The following FBN2 variants were observed in gnomAD, a reference collection of about 807,000 sequenced individuals.
FBN2 encodes fibrillin 2.
A neutral mutation model predicts 355.6 loss-of-function variants in FBN2; 105 were observed. The ratio of observed to expected loss-of-function variants is 0.30; its 90% confidence interval spans 0.25 to 0.35. The LOEUF (loss-of-function observed/expected upper bound fraction) is 0.35, where lower values mean the gene tolerates loss of function less well. FBN2 is among the 10% of genes least tolerant of loss of function. The pLI is 1.00. For missense variants in FBN2, 3,280 were observed against 3,758.7 expected (o/e 0.87, Z 3.33); for synonymous variants, 1,350 against 1,301.2 (o/e 1.04, Z -0.81).
chr5:128,472,597 G>A (rs1413842872), intron 5 of FBN2, among the ~76,000 whole-genome samples: 2 of 152,046 alleles, frequency 1.3e-5, no homozygotes, highest in Non-Finnish European at 2.9e-5. Flanking sequence ...TTTGAGACCA[G>A]CCTGACCAAC....
In FBN2 at chr5:128,393,172, C is replaced by T; in HGVS notation, c.1428G>A (p.Val476=). ...GFSPGVGGAG[V]GAGGQGPIIT... Reference sequence around the variant, plus strand: ...TGATAGGTCCCTGTCCCCCGGCCCCCACACCGGCTCCCCCAACGCCAGGAG... The same window carrying T: ...TGATAGGTCCCTGTCCCCCGGCCCCTACACCGGCTCCCCCAACGCCAGGAG... The change falls in exon 10 of 65, where the codon GTG becomes GTA. Residue 476 remains valine (V), a synonymous_variant. Transcript: ENST00000262464. 7 of 1,614,190 alleles carry T rather than the reference C, an allele frequency of 4.3e-6. No individual in the cohort carries two copies. The highest frequency in any genetic ancestry group is 5.9e-6 in the Non-Finnish European group (7 of 1,180,004).
chr5:128,267,834 T>A (rs1361995374), intron 62 of FBN2, among the ~76,000 whole-genome samples: 2 of 152,108 alleles, frequency 1.3e-5, no homozygotes, highest in African/African-American at 4.8e-5. Context: ...TTGAAACCAA[T>A]GAGAACAAAC....
At chr5:128,350,537 G>T (rs764271746) in intron 21 of FBN2, among the ~76,000 whole-genome samples, 3 of 152,156 alleles carry the variant, frequency 2.0e-5, no homozygotes, top group Non-Finnish European at 4.4e-5. Context: ...GTGACAGAGC[G>T]AGACTCCGTC....
chr5:128,402,483 G>A (rs766865811), intron 8 of FBN2, among the ~76,000 whole-genome samples: 2 of 151,482 alleles, frequency 1.3e-5, no homozygotes, highest in East Asian at 2.0e-4. Flanking sequence ...ATTTTGAAAC[G>A]TAATAAAGGT....
rs146316163 is a variant in FBN2 at position 128,273,939 on chromosome 5, G to A, written c.7741C>T (p.Leu2581Phe). ...DNNECGSQPS[L>F]CGAKGICQNT... is the part of the protein sequence containing the mutation. ...TGACAGATTCCCTTTGCTCCACAAA[G>A]CGAAGGTTGAGACCCACATTCGTTG... is the stretch of plus-strand genomic sequence containing the variant. The change falls in exon 61 of 65, where the codon CTT becomes TTT. Residue 2581 changes from leucine to phenylalanine, a missense_variant. Leu to Phe is a conservative substitution (Grantham distance 22, BLOSUM62 0). Transcript: ENST00000262464. The A allele has an allele frequency of 1.2e-5, 20 of 1,613,836 alleles. No individual in the cohort carries two copies. The highest frequency in any genetic ancestry group is 3.3e-5 in the Admixed American group (2 of 59,990).
intron 34 of FBN2, chr5:128,328,216 T>C (rs1750606040): frequency 4.1e-6 from 1 of 242,348 alleles, no homozygotes; most frequent in African/African-American, 2.3e-5. Flanking sequence ...CCACTAGTAT[T>C]AAGCAAAAGT....
intron 4 of FBN2, among the ~76,000 whole-genome samples, chr5:128,525,626 T>C (rs1271163787): frequency 4.6e-5 from 7 of 152,114 alleles, no homozygotes; most frequent in Non-Finnish European, 1.0e-4. Context: ...CAACGTATTG[T>C]ATTCTCTTAA....
At chr5:128,452,259 G>C (rs1259204661) in intron 6 of FBN2, among the ~76,000 whole-genome samples, 1 of 152,038 alleles carries the variant, frequency 6.6e-6, no homozygotes, top group Non-Finnish European at 1.5e-5. Context: ...TGTTATCTTT[G>C]CTCATTCCTT....
At chr5:128,528,546 C>T (rs78918737) in intron 3 of FBN2, among the ~76,000 whole-genome samples, 6,086 of 152,178 alleles carry the variant, frequency 0.04, 366 homozygotes, top group African/African-American at 0.13. Context: ...AAAAGTACCA[C>T]GGAGAAACTT....
chr5:128,431,600 T>C (rs895845038), intron 7 of FBN2, among the ~76,000 whole-genome samples: 2 of 152,216 alleles, frequency 1.3e-5, no homozygotes, highest in African/African-American at 2.4e-5. Flanking sequence ...CTTTAGCATA[T>C]GACTTTTTTG....
intron 11 of FBN2, among the ~76,000 whole-genome samples, chr5:128,382,586 T>C (rs1178648132): frequency 1.3e-5 from 2 of 152,030 alleles, no homozygotes; most frequent in Non-Finnish European, 2.9e-5. Flanking sequence ...CCTAGACACC[T>C]AAAACTCAGC....
chr5:128,412,565 A>G (rs1753098231), intron 7 of FBN2, among the ~76,000 whole-genome samples: 1 of 152,110 alleles, frequency 6.6e-6, no homozygotes, highest in Non-Finnish European at 1.5e-5. Context: ...TTAGCTTCCA[A>G]CTAATAAACA....
intron 6 of FBN2, among the ~76,000 whole-genome samples, chr5:128,454,336 A>G (rs963591227): frequency 6.6e-6 from 1 of 152,282 alleles, no homozygotes; most frequent in Admixed American, 6.5e-5. Context: ...AGGAGTTTCT[A>G]TAATTGAGTT....
intron 7 of FBN2, among the ~76,000 whole-genome samples, chr5:128,427,474 A>C (rs1753512143): frequency 6.6e-6 from 1 of 152,214 alleles, no homozygotes; most frequent in Non-Finnish European, 1.5e-5. Flanking sequence ...GGAACTGAGG[A>C]CTGAACTCTG....
intron 5 of FBN2, among the ~76,000 whole-genome samples, chr5:128,475,133 C>A (rs1419432292): frequency 6.6e-6 from 1 of 152,134 alleles, no homozygotes; most frequent in Admixed American, 6.6e-5. Flanking sequence ...TTATACCATG[C>A]CTGTCTTTTA....
At chr5:128,265,601 T>C (rs987568004) in intron 62 of FBN2, among the ~76,000 whole-genome samples, 16 of 152,314 alleles carry the variant, frequency 1.1e-4, no homozygotes, top group Middle Eastern at 6.8e-3. Context: ...TATGAAGACA[T>C]AATTTTTCTT....
intron 5 of FBN2, among the ~76,000 whole-genome samples, chr5:128,499,091 T>G (rs1755735326): frequency 6.6e-6 from 1 of 152,152 alleles, no homozygotes; most frequent in Non-Finnish European, 1.5e-5. Flanking sequence ...CATTGGGATT[T>G]AAAAGTATGA....
chr5:128,391,024 G>A (rs550019963), intron 11 of FBN2, among the ~76,000 whole-genome samples: 71 of 152,196 alleles, frequency 4.7e-4, no homozygotes, highest in Non-Finnish European at 9.3e-4. Flanking sequence ...ATAATACAGT[G>A]CATCAATATA....
intron 57 of FBN2, 142 bp downstream of exon 57, chr5:128,278,491 AAC>A (rs1765451259): frequency 4.1e-6 from 3 of 724,178 alleles, no homozygotes; most frequent in East Asian, 5.4e-5. Flanking sequence ...TATATATGAA[AAC>A]ACACATCAAA....
Sources: gnomAD v4.1 joint callset for allele counts (sites outside exome capture counted in the v4.1 genomes callset) on GRCh38, gnomAD v4.1.1 for gene constraint, MANE v1.5 for transcripts, NCBI Gene and HGNC (gene_info 2026-07-23, HGNC 2026-07-21) for gene names.